Variants in C1GALT1 observed in about 807,000 individuals in gnomAD.
C1GALT1 encodes the protein glycoprotein-N-acetylgalactosamine 3-beta-galactosyltransferase 1.
A neutral mutation model predicts 31.0 loss-of-function variants in C1GALT1; 11 were observed. The ratio of observed to expected loss-of-function variants is 0.36; its 90% confidence interval spans 0.22 to 0.59. The LOEUF is 0.59. C1GALT1 is among the 20% of genes least tolerant of loss of function. The probability of loss-of-function intolerance (pLI) is 0.79; values close to 1 mark genes in which losing one functional copy is unlikely to be tolerated. For missense variants in C1GALT1, 424 were observed against 425.2 expected (o/e 1.00, Z 0.03); for synonymous variants, 175 against 143.6 (o/e 1.22, Z -1.56).
At chr7:7,216,778 A>G (rs900846974) in intron 1 of C1GALT1, among the ~76,000 whole-genome samples, 29 of 152,308 alleles carry the variant, frequency 1.9e-4, no homozygotes, top group African/African-American at 6.5e-4. Flanking sequence ...TGCCGAAGAC[A>G]TTTTACTGCT....
intron 1 of C1GALT1, among the ~76,000 whole-genome samples, chr7:7,199,401 GAC>G (rs542875284): frequency 0.032 from 4,855 of 152,248 alleles, 267 homozygotes; most frequent in African/African-American, 0.11. Flanking sequence ...TGGTCTGAGA[GAC>G]AGTTTGTTAT....
intron 3 of C1GALT1, among the ~76,000 whole-genome samples, chr7:7,240,492 CTT>C (rs1324573977): frequency 2.0e-5 from 3 of 152,086 alleles, no homozygotes; most frequent in Non-Finnish European, 4.4e-5. Context: ...TCCAAGATGA[CTT>C]GATCTTTTTT....
chr7:7,218,169 A>G lies in C1GALT1; in HGVS notation c.-17-16134A>G, dbSNP rs138061313. 3.0e-3 allele frequency among the ~76,000 whole-genome samples: 453 copies of G among 152,338 alleles called. 1 individual carries two copies. Among genetic ancestry groups the G allele is most frequent in the African/African-American group, 0.01 (422 of 41,580 alleles). On this transcript the variant is annotated intron_variant, in intron 1 of 3. Transcript: ENST00000436587. The stretch of plus-strand genomic sequence containing the variant: ...AAAGTTAGTTACAGGTCTGTGGAGT[A>G]GACAAAATCAGGCCAGGCACTCCAG...
chr7:7,197,720 A>C (rs551259697), intron 1 of C1GALT1, among the ~76,000 whole-genome samples: 32 of 152,082 alleles, frequency 2.1e-4, no homozygotes, highest in Admixed American at 2.0e-3. Context: ...TATTTTGTTG[A>C]GCAGTGGTTT....
intron 2 of C1GALT1, among the ~76,000 whole-genome samples, chr7:7,176,073 A>G (rs1026314461): frequency 2.0e-5 from 3 of 152,162 alleles, no homozygotes; most frequent in South Asian, 2.1e-4. Flanking sequence ...CTTACATTAT[A>G]CATCTCTTCT....
chr7:7,234,777 A>T, intron 2 of C1GALT1: 1 of 355,814 alleles, frequency 2.8e-6, no homozygotes, highest in East Asian at 5.1e-5. Flanking sequence ...GGGGAAGGGC[A>T]TAACTATTCA....
At chr7:7,165,406 C>T (rs553828598) in intron 2 of C1GALT1, among the ~76,000 whole-genome samples, 197 of 152,210 alleles carry the variant, frequency 1.3e-3, no homozygotes, top group Non-Finnish European at 2.1e-3. Flanking sequence ...GTGAATGCAT[C>T]ACTCTATTTC....
chr7:7,225,837 T>A (rs1782736242), intron 1 of C1GALT1, among the ~76,000 whole-genome samples: 1 of 152,180 alleles, frequency 6.6e-6, no homozygotes, highest in Non-Finnish European at 1.5e-5. Flanking sequence ...TTGGACCTAC[T>A]GATGACATAA....
intron 1 of C1GALT1, among the ~76,000 whole-genome samples, chr7:7,219,074 G>A (rs922213370): frequency 2.6e-5 from 4 of 151,978 alleles, no homozygotes; most frequent in Non-Finnish European, 4.4e-5. Flanking sequence ...CCTGACCTTC[G>A]TGATCCGCCC....
Position 7,234,514 on chromosome 7 carries a change from C to T in C1GALT1, c.195C>T (p.Phe65=), listed in dbSNP as rs2128249074. 6.2e-7 allele frequency: 1 copy of T among 1,611,850 alleles called. No homozygotes were observed. Among genetic ancestry groups the T allele is most frequent in the Non-Finnish European group, 8.5e-7 (1 of 1,178,106 alleles). Residue 65 remains phenylalanine (F), a synonymous_variant, in exon 2 of 4, where the codon TTC becomes TTT. Coordinates refer to ENST00000436587, the MANE Select transcript of C1GALT1 (RefSeq NM_020156.5). ...ATCATCTAGAAGGACAAATGAACTT[C>T]AATGCAGATTCTAGCCAACATAAAG... The part of the protein sequence containing the change: ...GQNHLEGQMN[F]NADSSQHKDE...
Position 7,182,669 on chromosome 7 carries a change from T to A in C1GALT1, c.-169T>A. On this transcript the variant is annotated 5_prime_UTR_variant, in exon 1 of 4. Transcript: ENST00000436587. Reference sequence around the variant, plus strand: ...TTGGCCGCCGCCGCTGTGCTGCCGCTGCCGGGGAATAATCTGGGCGGCAGC... The same window carrying A: ...TTGGCCGCCGCCGCTGTGCTGCCGCAGCCGGGGAATAATCTGGGCGGCAGC... 1 of 417,288 alleles carries A rather than the reference T, an allele frequency of 2.4e-6. No homozygotes were observed. The highest frequency in any genetic ancestry group is 9.8e-5 in the South Asian group (1 of 10,182). The allele number at this position is 417,288 out of a possible 1,614,324, so 25.8% of individuals were successfully genotyped here. A position where few individuals can be genotyped will look rare whatever the true frequency, so the allele number is the denominator to read the frequency against.
chr7:7,239,468 C>A (rs1783524517), intron 3 of C1GALT1, among the ~76,000 whole-genome samples: 1 of 152,148 alleles, frequency 6.6e-6, no homozygotes, highest in African/African-American at 2.4e-5. Flanking sequence ...TTCAGAAAGA[C>A]CTAGAGTCAA....
At position 7,182,758 on chromosome 7, in the gene C1GALT1, G is replaced by T. The variant is rs1429015290; in HGVS notation, c.-80G>T. ...CTGCCCAGAGAAGCAAAGGTCACCA[G>T]TCCCAAGTCGTCCCCCTCTCCGCCC... is the stretch of plus-strand genomic sequence containing the variant. On this transcript the variant is annotated 5_prime_UTR_variant, in exon 1 of 4. Transcript: ENST00000436587. The T allele has an allele frequency of 7.1e-6, 7 of 981,124 alleles. No homozygotes were observed. The highest frequency in any genetic ancestry group is 8.5e-6 in the Non-Finnish European group (7 of 826,098). 60.8% of individuals were successfully genotyped at this position (981,124 alleles called of 1,614,324 possible). A position where few individuals can be genotyped will look rare whatever the true frequency, so the allele number is the denominator to read the frequency against.
chr7:7,174,748 T>A (rs1423901347), intron 2 of C1GALT1, among the ~76,000 whole-genome samples: 1 of 152,010 alleles, frequency 6.6e-6, no homozygotes, highest in African/African-American at 2.4e-5. Flanking sequence ...CCACTTAGAT[T>A]TTTTTATTTT....
chr7:7,239,261 T>A (rs1266515264), intron 3 of C1GALT1, among the ~76,000 whole-genome samples: 1 of 152,200 alleles, frequency 6.6e-6, no homozygotes, highest in African/African-American at 2.4e-5. Flanking sequence ...ATTTTAGTAG[T>A]AAGTGCCCTG....
intron 2 of C1GALT1, among the ~76,000 whole-genome samples, chr7:7,174,740 A>G (rs1412278352): frequency 6.6e-6 from 1 of 151,916 alleles, no homozygotes; most frequent in African/African-American, 2.4e-5. Flanking sequence ...TGCTGAAGCC[A>G]CTTAGATTTT....
At chr7:7,185,180 TTATC>T (rs1368509360) in intron 1 of C1GALT1, among the ~76,000 whole-genome samples, 1 of 152,174 alleles carries the variant, frequency 6.6e-6, no homozygotes, top group Non-Finnish European at 1.5e-5. Context: ...TCTAAATAAA[TTATC>T]TAGCACCTGT....
At chr7:7,209,190 G>T in intron 1 of C1GALT1, among the ~76,000 whole-genome samples, 1 of 152,010 alleles carries the variant, frequency 6.6e-6, no homozygotes. Context: ...GTTATTCTTT[G>T]TTACTTATAG....
intron 1 of C1GALT1, among the ~76,000 whole-genome samples, chr7:7,207,544 T>C (rs1437474872): frequency 6.6e-6 from 1 of 151,854 alleles, no homozygotes; most frequent in African/African-American, 2.4e-5. Context: ...TGGTCCACAT[T>C]TTCCTTTAGT....
Sources: gnomAD v4.1 joint callset for allele counts (sites outside exome capture counted in the v4.1 genomes callset) on GRCh38, gnomAD v4.1.1 for gene constraint, MANE v1.5 for transcripts, NCBI Gene and HGNC (gene_info 2026-07-23, HGNC 2026-07-21) for gene names.